The following TRIM37 variants were observed in gnomAD, a reference collection of about 807,000 sequenced individuals.
TRIM37 encodes tripartite motif containing 37.
In TRIM37, 80 loss-of-function variants were observed where a neutral mutation model predicts 129.8. The observed-to-expected ratio is 0.62, with a 90% CI of 0.51 to 0.74. The LOEUF (loss-of-function observed/expected upper bound fraction) is 0.74, where lower values mean the gene tolerates loss of function less well. Ranked by LOEUF, TRIM37 falls within the 30% of genes least tolerant of loss-of-function variation. The pLI is 0.00. For missense variants in TRIM37, 1,054 were observed against 1,176.5 expected, an observed-to-expected ratio of 0.90 and a Z score of 1.52; for synonymous variants, 389 against 387.1, an observed-to-expected ratio of 1.00 and a Z score of -0.06.
intron 4 of TRIM37, among the ~76,000 whole-genome samples, chr17:59,085,118 A>C (rs931034445): frequency 6.6e-6 from 1 of 152,154 alleles, no homozygotes; most frequent in African/African-American, 2.4e-5. Context: ...TGAAGCCAGG[A>C]GTTTGAGACT....
chr17:58,980,667 C>T (rs1180567503), downstream of TRIM37: 4 of 1,614,046 alleles, frequency 2.5e-6, no homozygotes, highest in African/African-American at 5.3e-5. This position sits in a 1 kb window ranked among gnomAD's most constrained non-coding sequence, Gnocchi z 4.7. Flanking sequence ...TTGGGTTCAA[C>T]AGGGGAGCAG....
chr17:59,098,543 T>C (rs373984979), intron 2 of TRIM37, among the ~76,000 whole-genome samples: 265 of 152,040 alleles, frequency 1.7e-3, no homozygotes, highest in African/African-American at 6.1e-3. Context: ...CACACACTTG[T>C]GGTCCCAGCT....
chr17:58,974,145 AT>A, the TRIM37 span, among the ~76,000 whole-genome samples: 18 of 152,122 alleles, frequency 1.2e-4, no homozygotes, highest in East Asian at 3.5e-3. Context: ...AAAACAAAAA[AT>A]CATAGTGTTT....
chr17:59,072,810 CAAG>C (rs1423136695), intron 8 of TRIM37, among the ~76,000 whole-genome samples: 1 of 151,378 alleles, frequency 6.6e-6, no homozygotes, highest in Non-Finnish European at 1.5e-5. Flanking sequence ...CTTGGGTTAC[CAAG>C]AATAATGATA....
intron 22 of TRIM37, among the ~76,000 whole-genome samples, chr17:59,002,945 G>A (rs772336100): frequency 1.8e-4 from 28 of 152,178 alleles, no homozygotes; most frequent in Non-Finnish European, 2.5e-4. Flanking sequence ...GGAGTACAGT[G>A]GTGCAATCAT....
In TRIM37 at chr17:59,070,876, A is replaced by G; in HGVS notation, c.756T>C (p.His252=). Residue 252 remains histidine (H), a synonymous_variant, in exon 9 of 24, where the codon CAT becomes CAC. Coordinates refer to ENST00000262294, the MANE Select transcript of TRIM37 (RefSeq NM_015294.6). Reference sequence around the variant, plus strand: ...TAACAAAAGATGCCATGGGCTTCCGATGAACTTGCTGAAACATCATAAGGA... The same window carrying G: ...TAACAAAAGATGCCATGGGCTTCCGGTGAACTTGCTGAAACATCATAAGGA... ...SEILMMFQQV[H]RKPMASFVTT... 6.2e-7 allele frequency: 1 copy of G among 1,614,140 alleles called. No homozygotes were observed. The highest frequency in any genetic ancestry group is 8.5e-7 in the Non-Finnish European group (1 of 1,179,986).
intron 14 of TRIM37, among the ~76,000 whole-genome samples, chr17:59,050,399 G>T (rs961029695): frequency 3.9e-5 from 6 of 152,168 alleles, no homozygotes; most frequent in Admixed American, 6.6e-5. Context: ...TTTTAATTAA[G>T]CTAAATTTAC....
chr17:59,025,183 T>A (rs1162017190), intron 19 of TRIM37, among the ~76,000 whole-genome samples: 1 of 152,088 alleles, frequency 6.6e-6, no homozygotes, highest in Non-Finnish European at 1.5e-5. Context: ...CATGTTTCAT[T>A]CATTTGGGGA....
intron 4 of TRIM37, among the ~76,000 whole-genome samples, chr17:59,087,644 A>T (rs2043891033): frequency 6.6e-6 from 1 of 151,586 alleles, no homozygotes; most frequent in African/African-American, 2.4e-5. Flanking sequence ...AAACAGATAA[A>T]TTTTTTTCTA....
chr17:59,026,076 TA>T, intron 19 of TRIM37, among the ~76,000 whole-genome samples: 1 of 152,206 alleles, frequency 6.6e-6, no homozygotes, highest in Admixed American at 6.5e-5. Flanking sequence ...CCAATTTTAA[TA>T]AACAACACAC....
intron 5 of TRIM37, among the ~76,000 whole-genome samples, chr17:59,081,956 A>AT (rs1599427621): frequency 2.4e-4 from 29 of 118,382 alleles, no homozygotes; most frequent in Non-Finnish European, 4.2e-4. Flanking sequence ...AAAAAAATAA[A>AT]AAAAAAAAAA....
At chr17:59,101,520 T>G (rs921179328) in intron 2 of TRIM37, among the ~76,000 whole-genome samples, 31 of 151,266 alleles carry the variant, frequency 2.0e-4, no homozygotes, top group Admixed American at 1.8e-3. Context: ...TAATTGCACT[T>G]AAAAATCATT....
Position 59,106,166 on chromosome 17 carries a change from C to A in TRIM37, c.21+275G>T, listed in dbSNP as rs577176326. On this transcript the variant is annotated intron_variant, in intron 1 of 23. Coordinates refer to ENST00000262294, the MANE Select transcript of TRIM37 (RefSeq NM_015294.6). ...CTGCAGTTTTGGTCGGAAAAGGATG[C>A]TGTTTGCAAACACCCGGTGGGGATG... 1.2e-3 allele frequency among the ~76,000 whole-genome samples: 185 copies of A among 152,320 alleles called. 1 individual carries two copies. The highest frequency in any genetic ancestry group is 8.1e-3 in the Admixed American group (124 of 15,300).
intron 7 of TRIM37, 114 bp from the exon 8 acceptor site, chr17:59,075,828 T>G: frequency 1.3e-6 from 1 of 788,186 alleles, no homozygotes; most frequent in Non-Finnish European, 2.1e-6. Context: ...AAGCAAAAAT[T>G]CTTCATTACA....
chr17:59,017,877 C>T (rs1057499897), intron 19 of TRIM37, among the ~76,000 whole-genome samples: 6 of 152,054 alleles, frequency 3.9e-5, no homozygotes, highest in Admixed American at 2.6e-4. Context: ...CCACCTGCCG[C>T]GGCCTCCCAA....
intron 2 of TRIM37, among the ~76,000 whole-genome samples, chr17:59,101,901 T>C (rs376578238): frequency 5.3e-5 from 8 of 150,580 alleles, no homozygotes; most frequent in African/African-American, 2.0e-4. Flanking sequence ...ATCACGCCAC[T>C]GCACTTTAGC....
chr17:59,033,591 T>C (rs1426980868), intron 17 of TRIM37, among the ~76,000 whole-genome samples: 1 of 151,862 alleles, frequency 6.6e-6, no homozygotes, highest in East Asian at 2.0e-4. Flanking sequence ...CCACCACACC[T>C]GTATTTTCAG....
intron 2 of TRIM37, among the ~76,000 whole-genome samples, chr17:59,096,609 A>G (rs907403863): frequency 1.3e-5 from 2 of 151,926 alleles, no homozygotes; most frequent in African/African-American, 4.8e-5. Flanking sequence ...GGTCTTTAAG[A>G]AACATTAATT....
chr17:58,993,127 A>G (rs926650830), intron 24 of TRIM37, among the ~76,000 whole-genome samples: 1 of 152,148 alleles, frequency 6.6e-6, no homozygotes, highest in South Asian at 2.1e-4. Flanking sequence ...TGGTTTTATA[A>G]GGGGGAGTTT....
Sources: gnomAD v4.1 joint callset for allele counts (sites outside exome capture counted in the v4.1 genomes callset) on GRCh38, gnomAD v4.1.1 for gene constraint, Gnocchi (gnomAD v3.1) non-coding constraint, MANE v1.5 for transcripts, NCBI Gene and HGNC (gene_info 2026-07-23, HGNC 2026-07-21) for gene names.